Variants in GMEB1 observed in about 807,000 individuals in gnomAD.
GMEB1 encodes the protein glucocorticoid modulatory element-binding protein 1.
A neutral mutation model predicts 52.4 loss-of-function variants in GMEB1; 6 were observed. That is an observed-to-expected ratio of 0.11 (90% CI 0.06 to 0.23). The LOEUF is 0.23. Among genes scored for constraint, GMEB1 ranks in the 10% least tolerant of loss-of-function variants. The pLI, the probability that GMEB1 is intolerant of heterozygous loss-of-function variation, is 1.00. For synonymous variants in GMEB1, 255 were observed against 244.9 expected (o/e 1.04, Z -0.38); for missense variants, 486 against 685.6 (o/e 0.71, Z 3.25).
chr1:28,680,241 TAAAAA>T (rs921645705), intron 1 of GMEB1, among the ~76,000 whole-genome samples: 1 of 152,018 alleles, frequency 6.6e-6, no homozygotes, highest in Non-Finnish European at 1.5e-5. Flanking sequence ...CATATAAAAA[TAAAAA>T]AGAAAATTCT....
rs186653607 is a variant in GMEB1 at position 28,673,916 on chromosome 1, G to T, written c.-31+5077G>T. On this transcript the variant is annotated intron_variant, in intron 1 of 9. Coordinates refer to ENST00000373816, the MANE Select transcript of GMEB1 (RefSeq NM_001319674.2). The stretch of plus-strand genomic sequence containing the variant: ...CTGTCCCAGCACTTTGGGAGGCCGT[G>T]GTGGGTGGATCACGAGGTCAGGAGT... Among the ~76,000 whole-genome samples, 966 of 152,086 alleles carry T rather than the reference G, an allele frequency of 6.4e-3. 3 individuals carry two copies. The highest frequency in any genetic ancestry group is 8.9e-3 in the Admixed American group (135 of 15,220).
Position 28,690,989 on chromosome 1 carries a change from T to A in GMEB1, c.212-596T>A, listed in dbSNP as rs548202472. ...GAGCGAGACATCATCCTAAAAAAAATAAATAAATAAAACCACCTACACCAG... is the reference window on the plus strand; with the variant it reads ...GAGCGAGACATCATCCTAAAAAAAAAAAATAAATAAAACCACCTACACCAG... On this transcript the variant is annotated intron_variant, in intron 3 of 9. Coordinates refer to ENST00000373816, the MANE Select transcript of GMEB1 (RefSeq NM_001319674.2). Among the ~76,000 whole-genome samples the A allele has an allele frequency of 1.8e-3, 254 of 143,390 alleles. 2 individuals carry two copies. The highest frequency in any genetic ancestry group is 4.7e-3 in the Middle Eastern group (1 of 214). The allele number at this position is 143,390 out of a possible 152,430, so 94.1% of individuals were successfully genotyped here.
intron 1 of GMEB1, among the ~76,000 whole-genome samples, chr1:28,677,451 C>T (rs1251237644): frequency 6.6e-6 from 1 of 152,114 alleles, no homozygotes; most frequent in Admixed American, 6.6e-5. Context: ...CCTGCCTTGG[C>T]CTCCCAAAGT....
intron 7 of GMEB1, 88 bp downstream of exon 7, chr1:28,702,657 CT>C: frequency 8.2e-7 from 1 of 1,224,478 alleles, no homozygotes; most frequent in Non-Finnish European, 1.2e-6. Context: ...CTCTTAATTA[CT>C]TTCGCTGGAT....
At chr1:28,713,622 T>C (rs1671160192) in intron 9 of GMEB1, among the ~76,000 whole-genome samples, 1 of 152,212 alleles carries the variant, frequency 6.6e-6, no homozygotes. Flanking sequence ...AAACTGTGGC[T>C]GTTTGAGTCA....
At chr1:28,688,165 C>A (rs1669778849) in intron 2 of GMEB1, among the ~76,000 whole-genome samples, 1 of 152,116 alleles carries the variant, frequency 6.6e-6, no homozygotes, top group Non-Finnish European at 1.5e-5. Flanking sequence ...TGCCTGTAAT[C>A]CCAGCTACTC....
chr1:28,691,671 A>G lies in GMEB1; in HGVS notation c.298A>G (p.Lys100Glu). 6.3e-7 allele frequency: 1 copy of G among 1,582,142 alleles called. No homozygotes were observed. Among genetic ancestry groups the G allele is most frequent in the Non-Finnish European group, 8.6e-7 (1 of 1,158,930 alleles). The stretch of plus-strand genomic sequence containing the variant: ...GAGCAAAGCCATCCTCCTCTGGAAG[A>G]AGTTTGTATGTCCAGGAATAAACGT... ...GESKAILLWK[K>E]FVCPGINVKC... The change falls in exon 4 of 10, where the codon AAG (lysine) becomes GAG (glutamate). Residue 100 changes from lysine to glutamate, a missense_variant. Coordinates refer to ENST00000373816, the MANE Select transcript of GMEB1 (RefSeq NM_001319674.2).
chr1:28,671,176 T>G (rs1668867462), intron 1 of GMEB1, among the ~76,000 whole-genome samples: 2 of 152,250 alleles, frequency 1.3e-5, no homozygotes, highest in African/African-American at 4.8e-5. Context: ...AAAGGGGATA[T>G]CAAGGAGTTT....
chr1:28,717,860 T>C lies in GMEB1; in HGVS notation c.*3087T>C, dbSNP rs1348804924. ...ACGTGCTAGCTCAGGTTCCCTTCTT[T>C]CCTCCATCAGAGCTATTGGTAGGGT... On this transcript the variant is annotated 3_prime_UTR_variant, in exon 10 of 10. Coordinates refer to ENST00000373816, the MANE Select transcript of GMEB1 (RefSeq NM_001319674.2). The C allele has an allele frequency of 1.3e-5, 2 of 152,154 alleles. No individual in the cohort carries two copies. Among genetic ancestry groups the C allele is most frequent in the African/African-American group, 4.8e-5 (2 of 41,434 alleles). The allele number at this position is 152,154 out of a possible 1,614,324, so 9.4% of individuals were successfully genotyped here.
At chr1:28,671,515 C>T (rs1260971473) in intron 1 of GMEB1, among the ~76,000 whole-genome samples, 2 of 152,042 alleles carry the variant, frequency 1.3e-5, no homozygotes, top group African/African-American at 4.8e-5. Flanking sequence ...GCGGCCTCCT[C>T]GGCCTCTCTT....
In GMEB1 at chr1:28,714,867, C is replaced by G. The variant is rs181521135; in HGVS notation, c.*94C>G. 12 of 796,002 alleles carry G rather than the reference C, an allele frequency of 1.5e-5. No homozygotes were observed. In the Admixed American group the frequency reaches 2.3e-4, roughly 15 times the overall value. 49.3% of individuals were successfully genotyped at this position (796,002 alleles called of 1,614,324 possible). A position where few individuals can be genotyped will look rare whatever the true frequency, so the allele number is the denominator to read the frequency against. On this transcript the variant is annotated 3_prime_UTR_variant, in exon 10 of 10. Transcript: ENST00000373816. ...GTCCCACTCATTTCCACATAGGACC[C>G]TTTTTTAAAAAAAAAAAAACAAAAT...
chr1:28,685,095 G>A (rs1055713900), intron 2 of GMEB1, among the ~76,000 whole-genome samples: 4 of 152,108 alleles, frequency 2.6e-5, no homozygotes, highest in African/African-American at 7.2e-5. Context: ...GCAAGGCAAC[G>A]ACCATAAATT....
At chr1:28,677,366 T>G (rs1297472537) in intron 1 of GMEB1, among the ~76,000 whole-genome samples, 1 of 152,108 alleles carries the variant, frequency 6.6e-6, no homozygotes, top group Non-Finnish European at 1.5e-5. Flanking sequence ...TCTGGCTAAT[T>G]TTTTGCATTT....
intron 4 of GMEB1, among the ~76,000 whole-genome samples, chr1:28,692,733 T>C (rs1443392674): frequency 6.6e-6 from 1 of 152,168 alleles, no homozygotes; most frequent in Non-Finnish European, 1.5e-5. Flanking sequence ...TCTGCATGTA[T>C]TCTGTGGCTT....
intron 4 of GMEB1, among the ~76,000 whole-genome samples, chr1:28,692,225 C>T (rs932037834): frequency 5.3e-5 from 8 of 151,034 alleles, no homozygotes; most frequent in African/African-American, 1.9e-4. Flanking sequence ...GGCTGGAAAA[C>T]CTTGCATCTT....
chr1:28,679,647 T>C (rs1293157458), intron 1 of GMEB1, among the ~76,000 whole-genome samples: 1 of 152,146 alleles, frequency 6.6e-6, no homozygotes, highest in Non-Finnish European at 1.5e-5. Flanking sequence ...TAACTCTAGC[T>C]GATGTGAGGT....
intron 2 of GMEB1, 82 bp from the exon 3 acceptor site, chr1:28,690,022 C>G (rs368662051): frequency 2.0e-4 from 173 of 869,440 alleles, no homozygotes; most frequent in Non-Finnish European, 2.8e-4. Context: ...TAGTTTGAAA[C>G]AAATTTCTTA....
intron 1 of GMEB1, among the ~76,000 whole-genome samples, chr1:28,670,844 C>T (rs1318415290): frequency 1.3e-5 from 2 of 152,108 alleles, no homozygotes; most frequent in Non-Finnish European, 2.9e-5. Flanking sequence ...TATTTAATAT[C>T]TTACTTAAAT....
At chr1:28,708,899 A>T (rs1021734272) in intron 8 of GMEB1, among the ~76,000 whole-genome samples, 14 of 152,188 alleles carry the variant, frequency 9.2e-5, no homozygotes, top group African/African-American at 3.4e-4. Flanking sequence ...TGGGAGGCCG[A>T]GGCGGGCAGA....
Sources: allele counts gnomAD v4.1 joint callset (sites outside exome capture counted in the v4.1 genomes callset), GRCh38; gene constraint gnomAD v4.1.1; transcripts MANE v1.5; gene names NCBI Gene and HGNC (gene_info 2026-07-23, HGNC 2026-07-21).